The following BNC2 variants were observed in gnomAD, a reference collection of about 807,000 sequenced individuals.
BNC2 encodes basonuclin zinc finger protein 2.
BNC2 carries 20 observed loss-of-function variants against 76.3 expected under a neutral mutation model. That is an observed-to-expected ratio of 0.26 (90% confidence interval 0.18 to 0.38). BNC2 has a LOEUF of 0.38. Among genes scored for constraint, BNC2 ranks in the 10% least tolerant of loss-of-function variants. BNC2 has a pLI of 1.00. For missense variants in BNC2, 1,382 were observed against 1,399.8 expected (o/e 0.99, Z 0.20); for synonymous variants, 582 against 514.8 (o/e 1.13, Z -1.77).
chr9:16,547,647 G>A (rs1818527650), intron 5 of BNC2, among the ~76,000 whole-genome samples: 1 of 152,320 alleles, frequency 6.6e-6, no homozygotes, highest in East Asian at 1.9e-4. Flanking sequence ...CTGTAAGAAA[G>A]TGAGACTTTG....
At chr9:16,608,371 A>G (rs1404063399) in intron 3 of BNC2, among the ~76,000 whole-genome samples, 2 of 152,096 alleles carry the variant, frequency 1.3e-5, no homozygotes, top group Non-Finnish European at 1.5e-5. Context: ...GTCTCTGTAC[A>G]GGGGAGCTTC....
At chr9:16,425,979 C>T (rs1397440596) in intron 6 of BNC2, among the ~76,000 whole-genome samples, 4 of 152,310 alleles carry the variant, frequency 2.6e-5, no homozygotes, top group Non-Finnish European at 5.9e-5. Context: ...CTCAAGGGTG[C>T]TGATTATTCA....
chr9:16,805,764 G>A (rs1291743653), intron 1 of BNC2, among the ~76,000 whole-genome samples: 3 of 151,924 alleles, frequency 2.0e-5, no homozygotes, highest in Admixed American at 1.3e-4. Context: ...TCTGAATTCT[G>A]CTTTAGTAGG....
intron 3 of BNC2, among the ~76,000 whole-genome samples, chr9:16,638,808 T>C (rs951146066): frequency 2.0e-5 from 3 of 152,180 alleles, no homozygotes; most frequent in Admixed American, 6.5e-5. Context: ...ATGAGTAAAA[T>C]TGAGTCTCTT....
chr9:16,801,817 T>G (rs1054633523), intron 1 of BNC2, among the ~76,000 whole-genome samples: 5 of 152,178 alleles, frequency 3.3e-5, no homozygotes, highest in Admixed American at 3.3e-4. Flanking sequence ...GATAATCCCT[T>G]ACTGTATAGC....
chr9:16,786,609 G>A (rs143528529), intron 1 of BNC2, among the ~76,000 whole-genome samples: 32 of 152,214 alleles, frequency 2.1e-4, no homozygotes, highest in African/African-American at 7.0e-4. Context: ...TATAATCAGG[G>A]TTCCATGAGA....
intron 5 of BNC2, among the ~76,000 whole-genome samples, chr9:16,516,606 C>T (rs12347353): frequency 0.04 from 6,120 of 152,168 alleles, 398 homozygotes; most frequent in African/African-American, 0.14. Context: ...TACACACAGT[C>T]TAAATATACA....
intron 6 of BNC2, among the ~76,000 whole-genome samples, chr9:16,423,888 A>C (rs962150140): frequency 2.6e-5 from 4 of 152,174 alleles, no homozygotes; most frequent in African/African-American, 7.2e-5. Context: ...TTAAAGACCA[A>C]TATCACCCTT....
At chr9:16,440,094 G>C (rs1471890162) in intron 5 of BNC2, among the ~76,000 whole-genome samples, 4 of 152,176 alleles carry the variant, frequency 2.6e-5, no homozygotes, top group Non-Finnish European at 4.4e-5. Flanking sequence ...GAAATAAGTT[G>C]TGACTTTAAA....
intron 1 of BNC2, among the ~76,000 whole-genome samples, chr9:16,784,592 T>C (rs1486194215): frequency 1.3e-5 from 2 of 152,194 alleles, no homozygotes; most frequent in Admixed American, 1.3e-4. Flanking sequence ...AGGTAAGGGC[T>C]TACTCTGAAT....
At chr9:16,628,216 T>A (rs1031633429) in intron 3 of BNC2, among the ~76,000 whole-genome samples, 2 of 152,232 alleles carry the variant, frequency 1.3e-5, no homozygotes, top group African/African-American at 4.8e-5. Context: ...CCGGCTCATC[T>A]GAAAGCAGCT....
rs761454777 is a variant in BNC2 at position 16,435,932 on chromosome 9, C to T, written c.2262G>A (p.Met754Ile). 8 of 1,613,968 alleles carry T rather than the reference C, an allele frequency of 5.0e-6. No individual in the cohort carries two copies. The South Asian group carries it at 8.8e-5, about 18-fold the overall frequency. The change falls in exon 6 of 7, where the codon ATG becomes ATA. Residue 754 changes from methionine (M) to isoleucine (I), a missense_variant. Met to Ile is a conservative substitution (Grantham distance 10). This residue lies in a region of BNC2 where 798 missense variants were observed against 775.5 expected (regional missense o/e 1.03). Transcript: ENST00000380672. ...IHSEVSEKVL[M>I]NSERPDENHS... ...GGTTCTCATCAGGCCTCTCACTATT[C>T]ATCAGGACTTTTTCACTCACTTCGC...
chr9:16,603,536 G>A (rs1481530539), intron 3 of BNC2, among the ~76,000 whole-genome samples: 2 of 152,012 alleles, frequency 1.3e-5, no homozygotes, highest in Non-Finnish European at 2.9e-5. Flanking sequence ...ATTTTGAGAC[G>A]CTAAACATAT....
intron 4 of BNC2, among the ~76,000 whole-genome samples, chr9:16,582,255 T>TA (rs2133044170): frequency 6.6e-6 from 1 of 152,260 alleles, no homozygotes; most frequent in South Asian, 2.1e-4. Context: ...TCCTTTTACT[T>TA]AAACAGAATA....
At chr9:16,817,670 C>G (rs1236964827) in intron 1 of BNC2, among the ~76,000 whole-genome samples, 2 of 152,132 alleles carry the variant, frequency 1.3e-5, no homozygotes, top group Admixed American at 1.3e-4. Context: ...TATGGTTTAA[C>G]GTGCCTTAAA....
chr9:16,691,526 T>TTTTTTTTTTTTTA (rs1823165817), intron 3 of BNC2, among the ~76,000 whole-genome samples: 1 of 86,198 alleles, frequency 1.2e-5, no homozygotes, highest in African/African-American at 3.3e-5. Context: ...TTTTTTTTTT[T>TTTTTTTTTTTTTA]TGAAACAGAG....
At chr9:16,779,631 C>T (rs1467314300) in intron 1 of BNC2, among the ~76,000 whole-genome samples, 2 of 152,002 alleles carry the variant, frequency 1.3e-5, no homozygotes, top group Non-Finnish European at 2.9e-5. Flanking sequence ...TGTGACCTAT[C>T]CATACAATGA....
chr9:16,695,832 C>T (rs73417995), intron 3 of BNC2, among the ~76,000 whole-genome samples: 2,419 of 150,122 alleles, frequency 0.016, 75 homozygotes, highest in African/African-American at 0.056. Flanking sequence ...CTAGATTTTT[C>T]TAAGTGTCCA....
At chr9:16,848,572 G>C (rs1819047764) in intron 1 of BNC2, among the ~76,000 whole-genome samples, 1 of 152,098 alleles carries the variant, frequency 6.6e-6, no homozygotes, top group South Asian at 2.1e-4. Flanking sequence ...CTCAGGTTTT[G>C]GTCCAGCAGA....
Sources: allele counts gnomAD v4.1 joint callset (sites outside exome capture counted in the v4.1 genomes callset), GRCh38; gene constraint gnomAD v4.1.1; regional missense constraint gnomAD v4.1.1; transcripts MANE v1.5; gene names NCBI Gene and HGNC (gene_info 2026-07-23, HGNC 2026-07-21).